The following PASD1 variants were observed in gnomAD, a reference collection of about 807,000 sequenced individuals.
PASD1 encodes PAS domain containing repressor 1.
Under a neutral mutation model 58.8 loss-of-function variants are expected in PASD1, and 13 were observed. The ratio of observed to expected loss-of-function variants is 0.22; its 90% CI spans 0.14 to 0.35. PASD1 has a LOEUF of 0.35. Among genes scored for constraint, PASD1 ranks in the 10% least tolerant of loss-of-function variants. The pLI, the probability that PASD1 is intolerant of heterozygous loss-of-function variation, is 1.00. For missense variants in PASD1, 734 were observed against 568.3 expected (o/e 1.29, Z -2.96); for synonymous variants, 236 against 216.7 (o/e 1.09, Z -0.78).
intron 11 of PASD1, among the ~76,000 whole-genome samples, chrX:151,664,835 A>G (rs112234712): frequency 0.026 from 2,903 of 111,797 alleles, 87 homozygotes; most frequent in African/African-American, 0.089. Context: ...CGTTAGATAT[A>G]CCCAACCTTG....
intron 1 of PASD1, among the ~76,000 whole-genome samples, chrX:151,590,060 G>A (rs907765832): frequency 2.7e-5 from 3 of 111,891 alleles, no homozygotes; most frequent in Middle Eastern, 4.2e-3. Flanking sequence ...ATCTACTGGG[G>A]AGTGTCACAA....
intron 9 of PASD1, among the ~76,000 whole-genome samples, chrX:151,655,768 G>A (rs1450082156): frequency 1.8e-5 from 2 of 111,838 alleles, no homozygotes; most frequent in Non-Finnish European, 3.8e-5. Context: ...TTTGTCAGAT[G>A]AGCAGGTTGC....
At chrX:151,635,693 T>C (rs909022099) in intron 8 of PASD1, among the ~76,000 whole-genome samples, 1 of 112,313 alleles carries the variant, frequency 8.9e-6, no homozygotes, top group African/African-American at 3.2e-5. Flanking sequence ...TATTTACATT[T>C]GTAAAGTAAA....
Position 151,676,486 on chromosome X carries a change from CATAAAGA to C in PASD1, c.*352_*358del. 2 of 179,266 alleles carry C rather than the reference CATAAAGA, an allele frequency of 1.1e-5. No individual in the cohort carries two copies. The highest frequency in any genetic ancestry group is 1.0e-5 in the Non-Finnish European group (1 of 96,002). The allele number at this position is 179,266 out of a possible 1,213,427, so 14.8% of individuals were successfully genotyped here. A position where few individuals can be genotyped will look rare whatever the true frequency, so the allele number is the denominator to read the frequency against. ...CCAAGAGTCTGCTCAAAGTTTTCAA[CATAAAGA>C]ATAAAGAAAAAAAAATGCCAAAGTG... On this transcript the variant is annotated 3_prime_UTR_variant, in exon 16 of 16. Transcript: ENST00000370357.
At chrX:151,619,778 G>A (rs1008308329) in intron 4 of PASD1, among the ~76,000 whole-genome samples, 8 of 111,442 alleles carry the variant, frequency 7.2e-5, no homozygotes, top group Middle Eastern at 4.6e-3. Flanking sequence ...AAGAAAGAGC[G>A]AGAAGTGAAG....
chrX:151,629,057 G>A (rs951632778), intron 8 of PASD1, among the ~76,000 whole-genome samples: 2 of 111,838 alleles, frequency 1.8e-5, no homozygotes, highest in Non-Finnish European at 3.8e-5. Flanking sequence ...CTGAGACTTT[G>A]CTGAAGTTGC....
At chrX:151,654,841 T>C (rs1190280219) in intron 9 of PASD1, among the ~76,000 whole-genome samples, 2 of 111,080 alleles carry the variant, frequency 1.8e-5, no homozygotes, top group Admixed American at 1.9e-4. Context: ...TTTGTTTTGA[T>C]TTTTGTTTTT....
chrX:151,584,027 C>G (rs1404766768), intron 1 of PASD1, among the ~76,000 whole-genome samples: 1 of 111,616 alleles, frequency 9.0e-6, no homozygotes, highest in Non-Finnish European at 1.9e-5. Context: ...TAGGCACATT[C>G]CTAGTGAGCA....
chrX:151,612,973 C>T (rs1432128726), intron 4 of PASD1, among the ~76,000 whole-genome samples: 17 of 111,678 alleles, frequency 1.5e-4, no homozygotes, highest in African/African-American at 5.2e-4. Flanking sequence ...AGTCTTTAAA[C>T]CATCTTGAAT....
chrX:151,669,646 T>C (rs1211447336), intron 11 of PASD1, among the ~76,000 whole-genome samples: 1 of 111,642 alleles, frequency 9.0e-6, no homozygotes, highest in Non-Finnish European at 1.9e-5. Context: ...ACATGTGATA[T>C]TTGTCTTTCT....
Position 151,563,677 on chromosome X carries a change from A to T in PASD1, c.-190A>T, listed in dbSNP as rs1295322822. On this transcript the variant is annotated 5_prime_UTR_variant, in exon 1 of 16. Coordinates refer to ENST00000370357, the MANE Select transcript of PASD1 (RefSeq NM_173493.3). ...GCCACGCCCCCACCACGCGCTTTGC[A>T]CTCTGGGGCCCACGCACTTCCCTGA... The T allele has an allele frequency of 9.0e-6, 1 of 110,783 alleles. No individual in the cohort carries two copies. Among genetic ancestry groups the T allele is most frequent in the Non-Finnish European group, 1.9e-5 (1 of 52,803 alleles). The allele number at this position is 110,783 out of a possible 1,213,427, so 9.1% of individuals were successfully genotyped here. A position where few individuals can be genotyped will look rare whatever the true frequency, so the allele number is the denominator to read the frequency against.
At chrX:151,605,130 C>T (rs780327126) in intron 3 of PASD1, among the ~76,000 whole-genome samples, 1 of 111,557 alleles carries the variant, frequency 9.0e-6, no homozygotes, top group Non-Finnish European at 1.9e-5. Flanking sequence ...TTTCTGTCTC[C>T]AAGAGAACTG....
At position 151,571,939 on chromosome X, in the gene PASD1, C is replaced by T. The variant is rs185877624; in HGVS notation, c.-28+8100C>T. On this transcript the variant is annotated intron_variant, in intron 1 of 15. Transcript: ENST00000370357. ...TTTCTGCAGCAGCTAACCTCGAACCCCTTCTCAGCCTGTCTGCTTGAGCTC... is the reference window on the plus strand; with the variant it reads ...TTTCTGCAGCAGCTAACCTCGAACCTCTTCTCAGCCTGTCTGCTTGAGCTC... 1.1e-4 allele frequency among the ~76,000 whole-genome samples: 12 copies of T among 110,853 alleles called. No individual in the cohort carries two copies. The East Asian group carries it at 3.4e-3, about 31-fold the overall frequency.
intron 9 of PASD1, among the ~76,000 whole-genome samples, chrX:151,651,095 T>A (rs1220674929): frequency 1.8e-5 from 2 of 111,955 alleles, no homozygotes; most frequent in Non-Finnish European, 3.8e-5. Context: ...CACAAAGGGT[T>A]AGTAACAGTT....
rs765950168 is a variant in PASD1, at chrX:151,672,223, AGCGGCAGCTGCGGGAGCAGCT to A, written c.1481_1501del (p.Arg494_Leu500del). 7.3e-5 allele frequency: 83 copies of A among 1,136,621 alleles called. No individual in the cohort carries two copies. Among genetic ancestry groups the A allele is most frequent in the Non-Finnish European group, 1.9e-5 (16 of 850,855 alleles). The allele number at this position is 1,136,621 out of a possible 1,213,427, so 93.7% of individuals were successfully genotyped here. The stretch of plus-strand genomic sequence containing the variant: ...CAAGAACAACACCTGAAGGAGCAGC[AGCGGCAGCTGCGGGAGCAGCT>A]GCAACAGCTGAGAGAGCAAAGGAAG... On this transcript the variant is annotated inframe_deletion, in exon 14 of 16. Transcript: ENST00000370357.
At chrX:151,574,523 C>T (rs761721874) in intron 1 of PASD1, among the ~76,000 whole-genome samples, 2 of 111,946 alleles carry the variant, frequency 1.8e-5, no homozygotes, top group East Asian at 5.6e-4. Flanking sequence ...GTGCATTCTA[C>T]CTGAATCTGG....
rs752056040 is a variant in PASD1, at chrX:151,625,471, C to T, written c.570C>T (p.Val190=). Residue 190 remains valine (V), a synonymous_variant, in exon 8 of 16, where the codon GTC becomes GTT. Transcript: ENST00000370357. ...AGCAACTTTACACTTCAAAGGCAGT[C>T]AGTGATGAAGCTGTACTTACACAAG... The part of the protein sequence containing the change: ...LLQQLYTSKA[V]SDEAVLTQDS... 1.1e-5 allele frequency: 13 copies of T among 1,206,925 alleles called. 1 individual carries two copies. In the Admixed American group the frequency reaches 1.3e-4, roughly 12 times the overall value.
intron 8 of PASD1, among the ~76,000 whole-genome samples, chrX:151,629,241 T>A (rs894416758): frequency 9.0e-6 from 1 of 111,300 alleles, no homozygotes; most frequent in Non-Finnish European, 1.9e-5. Flanking sequence ...TGCCTCAGCC[T>A]CCTGAGTAGC....
At position 151,621,569 on chromosome X, in the gene PASD1, T is replaced by C; in HGVS notation, c.395T>C (p.Val132Ala). The C allele has an allele frequency of 8.3e-7, 1 of 1,198,441 alleles. No individual in the cohort carries two copies. Among genetic ancestry groups the C allele is most frequent in the Non-Finnish European group, 1.1e-6 (1 of 885,580 alleles). The change falls in exon 6 of 16, where the codon GTG (valine) becomes GCG (alanine). Residue 132 changes from valine (V) to alanine (A), a missense_variant. By Grantham distance (64) the Val-to-Ala change is moderately conservative (BLOSUM62 0). Coordinates refer to ENST00000370357, the MANE Select transcript of PASD1 (RefSeq NM_173493.3). ...SSAYENVKFIVNVRDICNEFP... is the reference protein window; with the variant it reads ...SSAYENVKFIANVRDICNEFP... Reference sequence around the variant, plus strand: ...GCTTACGAAAACGTGAAATTTATTGTGAATGTAAGAGATATTTGTAATGGT... The same window carrying C: ...GCTTACGAAAACGTGAAATTTATTGCGAATGTAAGAGATATTTGTAATGGT...
Sources: gnomAD v4.1 joint callset for allele counts (sites outside exome capture counted in the v4.1 genomes callset) on GRCh38, gnomAD v4.1.1 for gene constraint, MANE v1.5 for transcripts, NCBI Gene and HGNC (gene_info 2026-07-23, HGNC 2026-07-21) for gene names.